CLPX: variants seen among roughly 807,000 people sequenced by gnomAD.
CLPX encodes caseinolytic mitochondrial matrix peptidase chaperone subunit X.
Under a neutral mutation model 76.4 loss-of-function variants are expected in CLPX, and 34 were observed. The ratio of observed to expected loss-of-function variants is 0.45; its 90% CI spans 0.34 to 0.59. The LOEUF (loss-of-function observed/expected upper bound fraction) is 0.59, where lower values mean the gene tolerates loss of function less well. Ranked by LOEUF, CLPX falls within the 20% of genes least tolerant of loss-of-function variation. CLPX has a pLI of 0.01. For missense variants in CLPX, 613 were observed against 757.0 expected (o/e 0.81, Z 2.23); for synonymous variants, 248 against 270.9 (o/e 0.92, Z 0.83).
Position 65,158,562 on chromosome 15 carries a change from G to C in CLPX, c.892+13C>G. 1.3e-6 allele frequency: 2 copies of C among 1,592,430 alleles called. No homozygotes were observed. The highest frequency in any genetic ancestry group is 1.7e-6 in the Non-Finnish European group (2 of 1,169,344). On this transcript the variant is annotated intron_variant, in intron 7 of 13. Transcript: ENST00000300107. The stretch of plus-strand genomic sequence containing the variant: ...TTAAAATGAGTAGTAAATTTTCTCA[G>C]CAAGTTATTTACCTGACCCAGTTGG...
intron 1 of CLPX, among the ~76,000 whole-genome samples, chr15:65,183,139 G>A (rs924683633): frequency 4.7e-5 from 7 of 150,084 alleles, no homozygotes; most frequent in African/African-American, 1.2e-4. Flanking sequence ...ACTCCAGCCC[G>A]GGCAACTTAG....
At chr15:65,154,752 ATAAC>A (rs1288824435) in intron 11 of CLPX, 26 bp downstream of exon 11, 1 of 1,525,992 alleles carries the variant, frequency 6.6e-7, no homozygotes, top group African/African-American at 1.4e-5. Context: ...AAAATAAAAA[ATAAC>A]TAAGTACAAA....
chr15:65,167,121 A>G (rs1183654236), intron 3 of CLPX, among the ~76,000 whole-genome samples: 1 of 151,874 alleles, frequency 6.6e-6, no homozygotes, highest in Non-Finnish European at 1.5e-5. Flanking sequence ...GCCAGGCTGG[A>G]GTGCAGTGGT....
At chr15:65,164,705 G>C (rs1348256182) in intron 4 of CLPX, among the ~76,000 whole-genome samples, 3 of 151,902 alleles carry the variant, frequency 2.0e-5, no homozygotes, top group Non-Finnish European at 4.4e-5. Flanking sequence ...TTTTTTCTCA[G>C]ACATTAACTT....
intron 3 of CLPX, among the ~76,000 whole-genome samples, chr15:65,175,315 G>A (rs959143933): frequency 5.9e-5 from 9 of 152,030 alleles, no homozygotes; most frequent in Non-Finnish European, 1.2e-4. Flanking sequence ...GTGAAACCCC[G>A]TCTCTACTAA....
At chr15:65,173,738 A>G (rs953169624) in intron 3 of CLPX, among the ~76,000 whole-genome samples, 2 of 152,270 alleles carry the variant, frequency 1.3e-5, no homozygotes, top group African/African-American at 4.8e-5. Flanking sequence ...AACTGGATAA[A>G]CTTTAAAAAC....
chr15:65,158,294 T>A lies in CLPX; in HGVS notation c.892+281A>T. Reference sequence around the variant, plus strand: ...ACCTTTGTCTCCCAAAATGCTGGGATTACAGGTGTGAGCCACTACATCCGA... The same window carrying A: ...ACCTTTGTCTCCCAAAATGCTGGGAATACAGGTGTGAGCCACTACATCCGA... On this transcript the variant is annotated intron_variant, in intron 7 of 13. Transcript: ENST00000300107. 1.2e-5 allele frequency: 4 copies of A among 342,662 alleles called. No individual in the cohort carries two copies. The South Asian group carries it at 2.4e-4, about 20-fold the overall frequency. 21.2% of individuals were successfully genotyped at this position (342,662 alleles called of 1,614,324 possible).
intron 3 of CLPX, among the ~76,000 whole-genome samples, chr15:65,178,461 A>G (rs1359778860): frequency 1.3e-5 from 2 of 152,238 alleles, no homozygotes; most frequent in Non-Finnish European, 2.9e-5. Context: ...AGAGAGAATC[A>G]GGTAAGCTCA....
chr15:65,160,181 T>C (rs757244807), intron 6 of CLPX, among the ~76,000 whole-genome samples: 1 of 152,234 alleles, frequency 6.6e-6, no homozygotes, highest in African/African-American at 2.4e-5. Context: ...ATTAAACTGA[T>C]AGAATAATAG....
chr15:65,152,698 C>CATAT (rs34034680), intron 12 of CLPX, among the ~76,000 whole-genome samples, 162 bp from the exon 13 acceptor site: 25 of 145,808 alleles, frequency 1.7e-4, no homozygotes, highest in African/African-American at 6.0e-4. Context: ...TATATATAAA[C>CATAT]ATATATATAT....
rs898990512 is a variant in CLPX at position 65,161,269 on chromosome 15, G to C, written c.715+1335C>G. 3.3e-5 allele frequency among the ~76,000 whole-genome samples: 5 copies of C among 152,254 alleles called. No homozygotes were observed. The South Asian group carries it at 1.0e-3, about 32-fold the overall frequency. ...AAGATGGAGAAAAAAAGCCAATTGT[G>C]TCAGTCCTCCTAAAAGCTGTATGTT... On this transcript the variant is annotated intron_variant, in intron 6 of 13. Coordinates refer to ENST00000300107, the MANE Select transcript of CLPX (RefSeq NM_006660.5).
intron 13 of CLPX, among the ~76,000 whole-genome samples, chr15:65,151,910 C>T (rs966035348): frequency 1.3e-5 from 2 of 152,030 alleles, no homozygotes; most frequent in South Asian, 4.1e-4. Context: ...AGCTTGCTAG[C>T]CAAATCCAGC....
chr15:65,176,735 A>T (rs1462386856), intron 3 of CLPX, among the ~76,000 whole-genome samples: 4 of 151,422 alleles, frequency 2.6e-5, no homozygotes, highest in African/African-American at 9.7e-5. Flanking sequence ...AGTTGGGATT[A>T]CAGGTGCCCG....
rs1566979346 is a variant in CLPX, at chr15:65,155,875, A to C, written c.1147-19T>G. 1 of 1,586,190 alleles carries C rather than the reference A, an allele frequency of 6.3e-7. No individual in the cohort carries two copies. The highest frequency in any genetic ancestry group is 2.2e-5 in the East Asian group (1 of 44,708). On this transcript the variant is annotated intron_variant, in intron 9 of 13. Transcript: ENST00000300107. ...ATAAGCCCTAAATAAAGAACAAATG[A>C]TTTATAGCATCACCATATAAGCACA... is the stretch of plus-strand genomic sequence containing the variant.
chr15:65,148,822 C>T lies in CLPX; in HGVS notation c.*2001G>A, dbSNP rs1162037945. On this transcript the variant is annotated 3_prime_UTR_variant, in exon 14 of 14. Coordinates refer to ENST00000300107, the MANE Select transcript of CLPX (RefSeq NM_006660.5). Reference sequence around the variant, plus strand: ...CTGAATGAATATAGAACTTGTACCACCATTATAGAAGGAAAGAAAAAAAGC... The same window carrying T: ...CTGAATGAATATAGAACTTGTACCATCATTATAGAAGGAAAGAAAAAAAGC... The T allele has an allele frequency of 6.6e-6, 1 of 151,258 alleles. No individual in the cohort carries two copies. The highest frequency in any genetic ancestry group is 1.5e-5 in the Non-Finnish European group (1 of 67,934). 9.4% of individuals were successfully genotyped at this position (151,258 alleles called of 1,614,324 possible). A position where few individuals can be genotyped will look rare whatever the true frequency, so the allele number is the denominator to read the frequency against.
chr15:65,153,942 G>C (rs184036106), intron 11 of CLPX, among the ~76,000 whole-genome samples: 35 of 152,230 alleles, frequency 2.3e-4, no homozygotes, highest in Admixed American at 2.0e-3. Context: ...GCAACTTACA[G>C]TCTATTGTGT....
rs1228126721 is a variant in CLPX at position 65,155,821 on chromosome 15, A to T, written c.1182T>A (p.Asn394Lys). The T allele has an allele frequency of 4.3e-6, 7 of 1,613,900 alleles. No homozygotes were observed. The highest frequency in any genetic ancestry group is 5.9e-6 in the Non-Finnish European group (7 of 1,179,910). Residue 394 changes from asparagine to lysine, a missense_variant, in exon 10 of 14, where the codon AAT becomes AAA. By Grantham distance (94) the Asn-to-Lys change is moderately conservative (BLOSUM62 0). Around this residue, in one of 2 missense-constraint regions of CLPX, gnomAD observed 450 missense variants for 638.6 expected, o/e 0.70. Transcript: ENST00000300107. The stretch of plus-strand genomic sequence containing the variant: ...GCTTTCGGGAATTCTTTTCTGGAAC[A>T]TTGACTATTGTGCCTTCTAGTAGTT... Reference protein sequence around the residue: ...LLKLLEGTIVNVPEKNSRKLR... With the variant: ...LLKLLEGTIVKVPEKNSRKLR...
rs34678725 is a variant in CLPX at position 65,165,375 on chromosome 15, ATTTTTTTTTTTTT to A, written c.514-1200_514-1188del. On this transcript the variant is annotated intron_variant, in intron 4 of 13. Transcript: ENST00000300107. ...TCCTGAAATTAGTTAAACTGCCTGG[ATTTTTTTTTTTTT>A]TTTTTTTTTTTTTGAGACGGAGTCT... 1.3e-4 allele frequency among the ~76,000 whole-genome samples: 9 copies of A among 69,208 alleles called. No homozygotes were observed. In the East Asian group the frequency reaches 5.2e-3, roughly 40 times the overall value. 45.4% of individuals were successfully genotyped at this position (69,208 alleles called of 152,430 possible). A position where few individuals can be genotyped will look rare whatever the true frequency, so the allele number is the denominator to read the frequency against.
In CLPX at chr15:65,162,630, C is replaced by T; in HGVS notation, c.689G>A (p.Arg230Lys). The T allele has an allele frequency of 6.3e-7, 1 of 1,585,254 alleles. No individual in the cohort carries two copies. Among genetic ancestry groups the T allele is most frequent in the Non-Finnish European group, 8.6e-7 (1 of 1,157,624 alleles). Reference protein sequence around the residue: ...SLTPRELEIRRREDEYRFTKL... With the variant: ...SLTPRELEIRKREDEYRFTKL... ...TGTAAATCTGTACTCATCCTCCCGT[C>T]TTCTTATTTCTAACTCTAAGAAAGA... is the stretch of plus-strand genomic sequence containing the variant. Residue 230 changes from arginine to lysine, a missense_variant, in exon 6 of 14, where the codon AGA becomes AAA. Coordinates refer to ENST00000300107, the MANE Select transcript of CLPX (RefSeq NM_006660.5).
Sources: gnomAD v4.1 joint callset for allele counts (sites outside exome capture counted in the v4.1 genomes callset) on GRCh38, gnomAD v4.1.1 for gene constraint, gnomAD v4.1.1 regional missense constraint, MANE v1.5 for transcripts, NCBI Gene and HGNC (gene_info 2026-07-23, HGNC 2026-07-21) for gene names.